Variants in RPRD2 observed in about 807,000 individuals in gnomAD.
RPRD2 encodes the protein regulation of nuclear pre-mRNA domain containing 2.
RPRD2 carries 12 observed loss-of-function variants against 104.4 expected under a neutral mutation model. The observed-to-expected ratio is 0.11, with a 90% CI of 0.07 to 0.19. The LOEUF (loss-of-function observed/expected upper bound fraction) is 0.19. Ranked by LOEUF, RPRD2 falls within the 10% of genes least tolerant of loss-of-function variation. The probability of loss-of-function intolerance (pLI) is 1.00; values close to 1 mark genes in which losing one functional copy is unlikely to be tolerated. For synonymous variants in RPRD2, 714 were observed against 684.9 expected (o/e 1.04, Z -0.66); for missense variants, 1,543 against 1,790.1 (o/e 0.86, Z 2.49).
At chr1:150,466,951 T>C (rs1210948274) in intron 10 of RPRD2, among the ~76,000 whole-genome samples, 3 of 152,196 alleles carry the variant, frequency 2.0e-5, no homozygotes, top group African/African-American at 7.2e-5. Flanking sequence ...TTTGGAGACC[T>C]TTTTAGTTGT....
At chr1:150,368,065 C>T (rs1306234930) in intron 1 of RPRD2, among the ~76,000 whole-genome samples, 2 of 152,076 alleles carry the variant, frequency 1.3e-5, no homozygotes, top group South Asian at 2.1e-4. Context: ...GTCTGAATTT[C>T]TTTTACATTG....
intron 1 of RPRD2, among the ~76,000 whole-genome samples, chr1:150,406,079 T>C (rs1390998518): frequency 6.6e-6 from 1 of 152,200 alleles, no homozygotes; most frequent in Non-Finnish European, 1.5e-5. Flanking sequence ...ATGAATCTCC[T>C]ATCTGTGAAA....
chr1:150,449,435 C>T (rs1291053736), intron 7 of RPRD2, among the ~76,000 whole-genome samples: 18 of 151,790 alleles, frequency 1.2e-4, no homozygotes, highest in Non-Finnish European at 2.5e-4. Flanking sequence ...CCTATGTGTC[C>T]TTTTCTTTGT....
intron 1 of RPRD2, among the ~76,000 whole-genome samples, chr1:150,411,808 AAAAAAAAAC>A (rs1663947022): frequency 7.0e-6 from 1 of 143,764 alleles, no homozygotes; most frequent in Non-Finnish European, 1.5e-5. Context: ...AAAAAAAAAA[AAAAAAAAAC>A]GAAACAAACA....
rs587686092 is a variant in RPRD2 at position 150,381,290 on chromosome 1, C to T, written c.205+16371C>T. On this transcript the variant is annotated intron_variant, in intron 1 of 10. Coordinates refer to ENST00000369068, the MANE Select transcript of RPRD2 (RefSeq NM_015203.5). ...AAAAAAAAATAGGTAGACATGGTGG[C>T]GCGTACCTGCAGTCCTAGCTACTCA... Among the ~76,000 whole-genome samples, 24 of 151,120 alleles carry T rather than the reference C, an allele frequency of 1.6e-4. No individual in the cohort carries two copies. In the South Asian group the frequency reaches 2.9e-3, roughly 18 times the overall value.
chr1:150,417,424 TTATC>T (rs1289497181), intron 1 of RPRD2, among the ~76,000 whole-genome samples, 168 bp from the exon 2 acceptor site: 1 of 152,176 alleles, frequency 6.6e-6, no homozygotes. Flanking sequence ...ATTTGTCGGT[TTATC>T]CATCCATCCT....
At chr1:150,464,265 T>G (rs1252380901) in intron 9 of RPRD2, among the ~76,000 whole-genome samples, 1 of 151,958 alleles carries the variant, frequency 6.6e-6, no homozygotes, top group Non-Finnish European at 1.5e-5. Flanking sequence ...TGCCTCGGCC[T>G]CCCAAAGTGC....
Position 150,440,974 on chromosome 1 carries a change from T to G in RPRD2, c.387T>G (p.Asp129Glu). The G allele has an allele frequency of 6.3e-7, 1 of 1,584,672 alleles. No homozygotes were observed. The highest frequency in any genetic ancestry group is 8.6e-7 in the Non-Finnish European group (1 of 1,163,870). The change falls in exon 3 of 11, where the codon GAT becomes GAG. Residue 129 changes from aspartate to glutamate, a missense_variant. Physicochemically the swap from Asp to Glu is conservative, Grantham distance 45. This residue lies in a region of RPRD2 where 572 missense variants were observed against 787.3 expected (regional missense o/e 0.73). Transcript: ENST00000369068. ...SVERIFKIWEDRNVYPEEMIV... is the reference protein window; with the variant it reads ...SVERIFKIWEERNVYPEEMIV... ...AACGAATCTTTAAAATCTGGGAAGA[T>G]AGAAATGTATACCCAGAAGAAATGA...
intron 1 of RPRD2, among the ~76,000 whole-genome samples, chr1:150,413,465 C>A (rs1053465689): frequency 5.3e-5 from 8 of 151,972 alleles, no homozygotes; most frequent in Admixed American, 2.6e-4. Flanking sequence ...TAGCTGGGTG[C>A]GGTGGCGCAT....
intron 2 of RPRD2, among the ~76,000 whole-genome samples, chr1:150,425,882 A>G (rs1229147746): frequency 6.6e-6 from 1 of 152,074 alleles, no homozygotes. Context: ...AGGCCAAGGC[A>G]GCAGTATCAC....
Position 150,472,573 on chromosome 1 carries a change from C to G in RPRD2, c.3625C>G (p.Pro1209Ala). 2 of 1,613,922 alleles carry G rather than the reference C, an allele frequency of 1.2e-6. No homozygotes were observed. Among genetic ancestry groups the G allele is most frequent in the South Asian group, 1.1e-5 (1 of 91,082 alleles). ...ACATGGGACACCCTTCCAGAGAGAGCCAGTGGGGCCATCATCTGCCCCACC... is the reference window on the plus strand; with the variant it reads ...ACATGGGACACCCTTCCAGAGAGAGGCAGTGGGGCCATCATCTGCCCCACC... The part of the protein sequence containing the change: ...LEHGTPFQRE[P>A]VGPSSAPPVP... The change falls in exon 11 of 11, where the codon CCA becomes GCA. Residue 1209 changes from proline to alanine, a missense_variant. Physicochemically the swap from Pro to Ala is conservative, Grantham distance 27. Around this residue, in one of 4 missense-constraint regions of RPRD2, gnomAD observed 880 missense variants for 885.6 expected, o/e 0.99. Transcript: ENST00000369068.
chr1:150,442,097 T>C (rs1413495881), intron 4 of RPRD2, 139 bp downstream of exon 4: 4 of 492,288 alleles, frequency 8.1e-6, no homozygotes, highest in African/African-American at 4.3e-5. Context: ...CAGTGACCTA[T>C]GCTAAACAAG....
chr1:150,374,946 G>A (rs1235169823), intron 1 of RPRD2, among the ~76,000 whole-genome samples: 4 of 151,152 alleles, frequency 2.6e-5, no homozygotes, highest in African/African-American at 9.7e-5. Context: ...TATTCATTGA[G>A]CAGGAGCTCT....
chr1:150,379,097 A>G (rs769429922), intron 1 of RPRD2, among the ~76,000 whole-genome samples: 115 of 150,764 alleles, frequency 7.6e-4, no homozygotes, highest in Non-Finnish European at 1.4e-3. Flanking sequence ...CCTGGCCAAC[A>G]TGGCGAAACC....
chr1:150,450,298 C>A (rs1209914268), intron 7 of RPRD2, among the ~76,000 whole-genome samples: 3 of 152,028 alleles, frequency 2.0e-5, no homozygotes, highest in Non-Finnish European at 4.4e-5. Context: ...ACATAACCAT[C>A]AGGTGTATGT....
At chr1:150,427,034 T>C (rs1553890681) in intron 2 of RPRD2, among the ~76,000 whole-genome samples, 1 of 151,826 alleles carries the variant, frequency 6.6e-6, no homozygotes, top group Non-Finnish European at 1.5e-5. Context: ...AGTTCCAGCT[T>C]CTTGGGAGGC....
intron 2 of RPRD2, among the ~76,000 whole-genome samples, chr1:150,438,746 T>C (rs1175007807): frequency 6.6e-6 from 1 of 152,218 alleles, no homozygotes; most frequent in African/African-American, 2.4e-5. Context: ...CGAAGCTATG[T>C]TGTGTAGCCT....
chr1:150,434,876 G>A (rs1175948613), intron 2 of RPRD2, among the ~76,000 whole-genome samples: 1 of 152,088 alleles, frequency 6.6e-6, no homozygotes, highest in African/African-American at 2.4e-5. Flanking sequence ...TGGAACATGG[G>A]GAAATGTTTG....
intron 7 of RPRD2, among the ~76,000 whole-genome samples, chr1:150,454,132 A>G (rs1379792538): frequency 6.6e-6 from 1 of 152,204 alleles, no homozygotes; most frequent in Non-Finnish European, 1.5e-5. Flanking sequence ...GAATTCAGCA[A>G]ATATCTTGAA....
Sources: allele counts gnomAD v4.1 joint callset (sites outside exome capture counted in the v4.1 genomes callset), GRCh38; gene constraint gnomAD v4.1.1; regional missense constraint gnomAD v4.1.1; transcripts MANE v1.5; gene names NCBI Gene and HGNC (gene_info 2026-07-23, HGNC 2026-07-21).